DLGAP2: variants seen among roughly 807,000 people sequenced by gnomAD.
The protein encoded by DLGAP2 is DLG associated protein 2.
In DLGAP2, 26 loss-of-function variants were observed where a neutral mutation model predicts 100.3. The observed-to-expected ratio is 0.26, with a 90% CI of 0.19 to 0.36. The LOEUF is 0.36. Among genes scored for constraint, DLGAP2 ranks in the 10% least tolerant of loss-of-function variants. The pLI, the probability that DLGAP2 is intolerant of heterozygous loss-of-function variation, is 1.00. For missense variants in DLGAP2, 1,858 were observed against 1,453.2 expected (o/e 1.28, Z -4.53); for synonymous variants, 886 against 630.1 (o/e 1.41, Z -6.08).
chr8:1,349,569 G>GAGGAA (rs1801656527), intron 3 of DLGAP2, among the ~76,000 whole-genome samples: 1 of 134,904 alleles, frequency 7.4e-6, no homozygotes, highest in Non-Finnish European at 1.6e-5. Flanking sequence ...CAGATAGGAA[G>GAGGAA]GGGTGTTTGA....
intron 3 of DLGAP2, among the ~76,000 whole-genome samples, chr8:1,446,052 T>C (rs1014331382): frequency 1.3e-5 from 2 of 151,838 alleles, no homozygotes; most frequent in African/African-American, 4.8e-5. Context: ...GCCTGTTCAC[T>C]CTGATGGTAG....
At chr8:1,537,222 T>C (rs1801182778) in intron 4 of DLGAP2, among the ~76,000 whole-genome samples, 1 of 152,262 alleles carries the variant, frequency 6.6e-6, no homozygotes, top group South Asian at 2.1e-4. Context: ...TACAAAAGCA[T>C]GTGCATCTGT....
At chr8:1,381,415 C>G (rs1314995196) in intron 3 of DLGAP2, 1 of 152,208 alleles carries the variant, frequency 6.6e-6, no homozygotes, top group Non-Finnish European at 1.5e-5. Flanking sequence ...CTCTTTTGTA[C>G]TCAAGGAGTA....
chr8:1,039,291 G>T (rs894405253), intron 2 of DLGAP2, among the ~76,000 whole-genome samples: 12 of 149,662 alleles, frequency 8.0e-5, no homozygotes, highest in Non-Finnish European at 1.8e-4. Context: ...TCCATGGTCG[G>T]CTCGGTTTCC....
In DLGAP2 at chr8:946,510, G is replaced by A. The variant is rs560024911; in HGVS notation, c.73+38544G>A. ...GATCTCCTGACCTTGTGATCTGCCC[G>A]CCTTGGCCTCCCAAAGTGCTGGGAT... On this transcript the variant is annotated intron_variant, in intron 2 of 14. Coordinates refer to ENST00000637795, the MANE Select transcript of DLGAP2 (RefSeq NM_001346810.2). 1.5e-3 allele frequency among the ~76,000 whole-genome samples: 234 copies of A among 152,232 alleles called. 4 individuals are homozygous for A. The highest frequency in any genetic ancestry group is 3.5e-3 in the African/African-American group (145 of 41,564).
intron 14 of DLGAP2, among the ~76,000 whole-genome samples, chr8:1,700,853 G>C (rs531924153): frequency 1.3e-5 from 2 of 152,344 alleles, no homozygotes; most frequent in South Asian, 4.1e-4. Context: ...TTTGGGAAGC[G>C]CAGGAATCGG....
At chr8:1,196,003 G>A (rs148062171) in intron 2 of DLGAP2, among the ~76,000 whole-genome samples, 38 of 152,322 alleles carry the variant, frequency 2.5e-4, no homozygotes, top group African/African-American at 8.7e-4. Flanking sequence ...GCTCACGTTC[G>A]TGAGCAGAGT....
intron 2 of DLGAP2, among the ~76,000 whole-genome samples, chr8:1,053,450 T>G (rs1360770779): frequency 1.3e-5 from 2 of 151,924 alleles, no homozygotes; most frequent in African/African-American, 2.4e-5. Flanking sequence ...AAGGACCAGG[T>G]GTGTCCCAGT....
At chr8:1,179,907 T>C (rs77328525) in intron 2 of DLGAP2, among the ~76,000 whole-genome samples, 7,636 of 152,232 alleles carry the variant, frequency 0.05, 216 homozygotes, top group African/African-American at 0.073. Context: ...GAAAACAAAA[T>C]AACGAGTAGA....
At chr8:989,916 T>C (rs537437221) in intron 2 of DLGAP2, among the ~76,000 whole-genome samples, 1 of 152,222 alleles carries the variant, frequency 6.6e-6, no homozygotes, top group East Asian at 1.9e-4. Context: ...ATAACTGAAT[T>C]GTAATTTGCA....
Position 1,548,804 on chromosome 8 carries a change from G to T in DLGAP2, c.351G>T (p.Arg117=). ...CEHLHHGPDA[R]PPYLLSPADS... ...ACCTGCACCACGGGCCCGACGCGCGGCCGCCCTACCTGCTGAGCCCCGCCG... is the reference window on the plus strand; with the variant it reads ...ACCTGCACCACGGGCCCGACGCGCGTCCGCCCTACCTGCTGAGCCCCGCCG... Residue 117 remains arginine, a synonymous_variant, in exon 5 of 15, where the codon CGG becomes CGT. Transcript: ENST00000637795. 1 of 1,580,136 alleles carries T rather than the reference G, an allele frequency of 6.3e-7. No individual in the cohort carries two copies.
Position 1,558,819 on chromosome 8 carries a change from G to A in DLGAP2, c.1231-6864G>A, listed in dbSNP as rs143619787. Among the ~76,000 whole-genome samples, 9 of 139,074 alleles carry A rather than the reference G, an allele frequency of 6.5e-5. 1 individual carries two copies. The East Asian group carries it at 1.5e-3, about 24-fold the overall frequency. The allele number at this position is 139,074 out of a possible 152,430, so 91.2% of individuals were successfully genotyped here. ...CACATACACACATAAACACACATAC[G>A]CACATGGGCATGCATGCACACCCAT... On this transcript the variant is annotated intron_variant, in intron 5 of 14. Coordinates refer to ENST00000637795, the MANE Select transcript of DLGAP2 (RefSeq NM_001346810.2).
At chr8:1,388,050 G>T (rs1438853639) in intron 3 of DLGAP2, among the ~76,000 whole-genome samples, 1 of 152,260 alleles carries the variant, frequency 6.6e-6, no homozygotes, top group Non-Finnish European at 1.5e-5. Context: ...AGTGCGTGCG[G>T]GCTGGGGCTA....
At chr8:1,150,461 G>T (rs1201332851) in intron 2 of DLGAP2, among the ~76,000 whole-genome samples, 1 of 152,208 alleles carries the variant, frequency 6.6e-6, no homozygotes, top group African/African-American at 2.4e-5. Flanking sequence ...GTTCTGTGTA[G>T]AGCTGAAGGC....
At chr8:1,481,543 A>G (rs1371850951) in intron 3 of DLGAP2, among the ~76,000 whole-genome samples, 1 of 117,004 alleles carries the variant, frequency 8.5e-6, no homozygotes, top group South Asian at 3.0e-4. Context: ...CAGTGGTATG[A>G]TCTTGGATCA....
At chr8:1,551,353 G>A (rs1213224442) in intron 5 of DLGAP2, among the ~76,000 whole-genome samples, 1 of 152,164 alleles carries the variant, frequency 6.6e-6, no homozygotes, top group Non-Finnish European at 1.5e-5. Flanking sequence ...TGTGCCTGGT[G>A]TGGATAGTCA....
In DLGAP2 at chr8:1,641,945, G is replaced by A. The variant is rs868592852; in HGVS notation, c.1810+8899G>A. The stretch of plus-strand genomic sequence containing the variant: ...CACCTGTGTCACCCTCGACCCCGCC[G>A]GTCCTCACCTGTGTCACCCTCGACC... On this transcript the variant is annotated intron_variant, in intron 8 of 14. Transcript: ENST00000637795. Among the ~76,000 whole-genome samples the A allele has an allele frequency of 3.8e-3, 430 of 112,170 alleles. 1 individual carries two copies. The highest frequency in any genetic ancestry group is 7.8e-3 in the African/African-American group (160 of 20,642). The allele number at this position is 112,170 out of a possible 152,430, so 73.6% of individuals were successfully genotyped here.
At chr8:1,311,522 T>A (rs1187530160) in intron 3 of DLGAP2, among the ~76,000 whole-genome samples, 1 of 152,132 alleles carries the variant, frequency 6.6e-6, no homozygotes, top group Non-Finnish European at 1.5e-5. Context: ...GATGCTAAAA[T>A]TTTCCACAGA....
In DLGAP2 at chr8:1,682,620, A is replaced by G. The variant is rs528286000; in HGVS notation, c.2704+3991A>G. Among the ~76,000 whole-genome samples the G allele has an allele frequency of 6.1e-5, 9 of 146,484 alleles. No homozygotes were observed. The South Asian group carries it at 1.7e-3, about 27-fold the overall frequency. On this transcript the variant is annotated intron_variant, in intron 12 of 14. Transcript: ENST00000637795. ...CTCCCAAGTAGCTGGGACTACAGAC[A>G]CGCACCACAGCACCTGGCTAATTTT...
Sources: gnomAD v4.1 joint callset for allele counts (sites outside exome capture counted in the v4.1 genomes callset) on GRCh38, gnomAD v4.1.1 for gene constraint, MANE v1.5 for transcripts, NCBI Gene and HGNC (gene_info 2026-07-23, HGNC 2026-07-21) for gene names.